The following ZNF134 variants were observed in gnomAD, a reference collection of about 807,000 sequenced individuals.
ZNF134 encodes zinc finger protein 134 (clone pHZ-15).
In ZNF134, 5 loss-of-function variants were observed where a neutral mutation model predicts 2.5. The ratio of observed to expected loss-of-function variants is 2.03; its 90% CI spans 1.06 to 4.27. The LOEUF (loss-of-function observed/expected upper bound fraction) is 4.27. Ranked by LOEUF, ZNF134 falls within the 30% of genes most tolerant of loss-of-function variation. The pLI is 0.00. For synonymous variants in ZNF134, 176 were observed against 176.2 expected (o/e 1.00, Z 0.01); for missense variants, 540 against 517.5 (o/e 1.04, Z -0.42).
rs1039202408 is a variant in ZNF134, at chr19:57,619,406, T to C, written c.-57-6T>C. The C allele has an allele frequency of 1.9e-6, 3 of 1,563,376 alleles. No homozygotes were observed. The African/African-American group carries it at 4.1e-5, about 21-fold the overall frequency. ...TCACCTTTCCCCTATGCTTTGTATC[T>C]TCCAGATCCTCTGTGGTTGTTGAAT... On this transcript the variant is annotated splice_polypyrimidine_tract_variant and splice_region_variant and intron_variant, in intron 1 of 2. Transcript: ENST00000396161.
At position 57,620,882 on chromosome 19, in the gene ZNF134, A is replaced by G. The variant is rs1421309134; in HGVS notation, c.763A>G (p.Thr255Ala). 1 of 1,614,174 alleles carries G rather than the reference A, an allele frequency of 6.2e-7. No homozygotes were observed. The highest frequency in any genetic ancestry group is 8.5e-7 in the Non-Finnish European group (1 of 1,180,026). The change falls in exon 3 of 3, where the codon ACT (threonine) becomes GCT (alanine). Residue 255 changes from threonine (T) to alanine (A), a missense_variant. Transcript: ENST00000396161. Reference protein sequence around the residue: ...DNLTQHKRIHTGEMPYKCNEC... With the variant: ...DNLTQHKRIHAGEMPYKCNEC... ...CCTTACTCAGCACAAGAGAATCCAC[A>G]CTGGAGAAATGCCTTATAAGTGCAA... is the stretch of plus-strand genomic sequence containing the variant.
chr19:57,619,220 C>G (rs772529727), intron 1 of ZNF134, among the ~76,000 whole-genome samples, 192 bp from the exon 2 acceptor site: 11 of 152,190 alleles, frequency 7.2e-5, no homozygotes, highest in Non-Finnish European at 1.5e-4. Flanking sequence ...ATTGTAATTT[C>G]CTTGAGTCTG....
rs1981303965 is a variant in ZNF134, at chr19:57,623,913, T to G, written c.*2510T>G. ...TTTTATACCAGTGGAAATGCTCACC[T>G]TGGGTCTAAAGGGACCTTGAAAGTA... On this transcript the variant is annotated 3_prime_UTR_variant, in exon 3 of 3. Transcript: ENST00000396161. The G allele has an allele frequency of 6.6e-6, 1 of 150,930 alleles. No individual in the cohort carries two copies. The highest frequency in any genetic ancestry group is 1.9e-4 in the East Asian group (1 of 5,134). 9.3% of individuals were successfully genotyped at this position (150,930 alleles called of 1,614,324 possible).
chr19:57,621,270 C>T lies in ZNF134; in HGVS notation c.1151C>T (p.Thr384Ile), dbSNP rs776945568. 3.2e-5 allele frequency: 52 copies of T among 1,613,496 alleles called. No individual in the cohort carries two copies. In the Admixed American group the frequency reaches 8.7e-4, roughly 27 times the overall value. Reference protein sequence around the residue: ...CSKCGKDFIRTSHLVRHQRVH... With the variant: ...CSKCGKDFIRISHLVRHQRVH... ...AAATGTGGGAAAGACTTTATCAGAA[C>T]CTCCCACCTTGTTCGACACCAAAGA... is the stretch of plus-strand genomic sequence containing the variant. The change falls in exon 3 of 3, where the codon ACC (threonine) becomes ATC (isoleucine). Residue 384 changes from threonine (T) to isoleucine (I), a missense_variant. Physicochemically the swap from Thr to Ile is moderately conservative, Grantham distance 89 (BLOSUM62 -1). Transcript: ENST00000396161.
intron 2 of ZNF134, chr19:57,619,760 TAC>T (rs760393656): frequency 3.2e-5 from 18 of 568,436 alleles, no homozygotes; most frequent in Middle Eastern, 4.5e-4. Flanking sequence ...GTACTACACT[TAC>T]ACTATTGTGT....
At position 57,621,142 on chromosome 19, in the gene ZNF134, A is replaced by G. The variant is rs1486163031; in HGVS notation, c.1023A>G (p.Ser341=). The stretch of plus-strand genomic sequence containing the variant: ...AACATCAGCGAATTCACACTGAGTC[A>G]AAGCCGTTTGAGTGCATTGAATGCG... ...LIKHQRIHTE[S]KPFECIECGK... is the part of the protein sequence containing the mutation. The change falls in exon 3 of 3, where the codon TCA becomes TCG. Residue 341 remains serine (S), a synonymous_variant. Transcript: ENST00000396161. The G allele has an allele frequency of 1.2e-6, 2 of 1,614,140 alleles. No homozygotes were observed. Among genetic ancestry groups the G allele is most frequent in the Non-Finnish European group, 1.7e-6 (2 of 1,180,052 alleles).
At chr19:57,619,350 G>A in intron 1 of ZNF134, 62 bp from the exon 2 acceptor site, 1 of 1,285,988 alleles carries the variant, frequency 7.8e-7, no homozygotes, top group Non-Finnish European at 1.1e-6. Flanking sequence ...TTGCATGGGT[G>A]GGCTACTCTG....
intron 1 of ZNF134, among the ~76,000 whole-genome samples, chr19:57,617,657 A>G (rs571155259): frequency 7.2e-5 from 11 of 152,298 alleles, no homozygotes; most frequent in Non-Finnish European, 4.4e-5. Context: ...GGTTGGAGCT[A>G]TCCACAGGGT....
intron 1 of ZNF134, chr19:57,618,921 TC>T (rs1303245393): frequency 1.3e-5 from 2 of 156,154 alleles, no homozygotes; most frequent in Non-Finnish European, 2.8e-5. Flanking sequence ...GTCCTACTCT[TC>T]CTTTTTGCCC....
rs1306108859 is a variant in ZNF134 at position 57,622,504 on chromosome 19, G to A, written c.*1101G>A. ...GGCACTAAGGCTGAATGGGATCAGG[G>A]TATCCAGAAATCTCAGGATCTCCAG... On this transcript the variant is annotated 3_prime_UTR_variant, in exon 3 of 3. Coordinates refer to ENST00000396161, the MANE Select transcript of ZNF134 (RefSeq NM_003435.5). 6.6e-6 allele frequency: 1 copy of A among 152,182 alleles called. No individual in the cohort carries two copies. Among genetic ancestry groups the A allele is most frequent in the African/African-American group, 2.4e-5 (1 of 41,418 alleles). 9.4% of individuals were successfully genotyped at this position (152,182 alleles called of 1,614,324 possible). A position where few individuals can be genotyped will look rare whatever the true frequency, so the allele number is the denominator to read the frequency against.
chr19:57,619,415 C>G lies in ZNF134; in HGVS notation c.-54C>G. On this transcript the variant is annotated 5_prime_UTR_variant, in exon 2 of 3. Coordinates refer to ENST00000396161, the MANE Select transcript of ZNF134 (RefSeq NM_003435.5). Reference sequence around the variant, plus strand: ...CCCTATGCTTTGTATCTTCCAGATCCTCTGTGGTTGTTGAATTGTAACAAG... The same window carrying G: ...CCCTATGCTTTGTATCTTCCAGATCGTCTGTGGTTGTTGAATTGTAACAAG... 6.4e-7 allele frequency: 1 copy of G among 1,572,100 alleles called. No individual in the cohort carries two copies. The highest frequency in any genetic ancestry group is 8.6e-7 in the Non-Finnish European group (1 of 1,157,132).
Position 57,620,095 on chromosome 19 carries a change from T to C in ZNF134, c.41-65T>C. The C allele has an allele frequency of 9.7e-6, 15 of 1,553,444 alleles. 1 individual carries two copies. In the South Asian group the frequency reaches 1.8e-4, roughly 19 times the overall value. ...AGTCCTGGGTACAGCAGACACATATTTGTGATGTAGTTGCCCCACCCACCA... is the reference window on the plus strand; with the variant it reads ...AGTCCTGGGTACAGCAGACACATATCTGTGATGTAGTTGCCCCACCCACCA... On this transcript the variant is annotated intron_variant, in intron 2 of 2. Transcript: ENST00000396161.
Position 57,621,640 on chromosome 19 carries a change from T to C in ZNF134, c.*237T>C. The C allele has an allele frequency of 1.4e-6, 1 of 718,256 alleles. No individual in the cohort carries two copies. Among genetic ancestry groups the C allele is most frequent in the Middle Eastern group, 2.4e-4 (1 of 4,150 alleles). 44.5% of individuals were successfully genotyped at this position (718,256 alleles called of 1,614,324 possible). ...CAGCATTGGGGAAGGCAGGGTTTTG[T>C]ATTGTCCAGTCCCTGGAGAAAATCA... On this transcript the variant is annotated 3_prime_UTR_variant, in exon 3 of 3. Transcript: ENST00000396161.
Position 57,620,084 on chromosome 19 carries a change from C to A in ZNF134, c.41-76C>A, listed in dbSNP as rs1432230312. On this transcript the variant is annotated intron_variant, in intron 2 of 2. Transcript: ENST00000396161. ...CTTAGGTACTCAGTCCTGGGTACAG[C>A]AGACACATATTTGTGATGTAGTTGC... is the stretch of plus-strand genomic sequence containing the variant. 8 of 1,532,830 alleles carry A rather than the reference C, an allele frequency of 5.2e-6. No individual in the cohort carries two copies. The South Asian group carries it at 8.7e-5, about 17-fold the overall frequency. 95.0% of individuals were successfully genotyped at this position (1,532,830 alleles called of 1,614,324 possible). A position where few individuals can be genotyped will look rare whatever the true frequency, so the allele number is the denominator to read the frequency against.
Position 57,621,505 on chromosome 19 carries a change from C to T in ZNF134, c.*102C>T. ...CCTTATGGTGCCAGGTACGTGGGAACCTTCTAGGGATATGTTGCACTTTCT... is the reference window on the plus strand; with the variant it reads ...CCTTATGGTGCCAGGTACGTGGGAATCTTCTAGGGATATGTTGCACTTTCT... On this transcript the variant is annotated 3_prime_UTR_variant, in exon 3 of 3. Transcript: ENST00000396161. The T allele has an allele frequency of 6.4e-7, 1 of 1,554,798 alleles. No homozygotes were observed. Among genetic ancestry groups the T allele is most frequent in the Non-Finnish European group, 8.8e-7 (1 of 1,139,186 alleles).
intron 2 of ZNF134, 141 bp from the exon 3 acceptor site, chr19:57,620,019 C>A (rs866440278): frequency 1.3e-4 from 124 of 930,602 alleles, no homozygotes; most frequent in Middle Eastern, 9.8e-4. Context: ...GTACAGCAGC[C>A]CTTTTTTCAA....
chr19:57,614,249 A>G lies in ZNF134; in HGVS notation c.-312A>G, dbSNP rs1464100691. ...ACTTCCGGTATCTTCCTCGCGGTGG[A>G]CATCTTGTCGGCTCTTAGGTGGAAC... On this transcript the variant is annotated 5_prime_UTR_variant, in exon 1 of 3. Transcript: ENST00000396161. 2.4e-6 allele frequency: 1 copy of G among 419,952 alleles called. No homozygotes were observed. Among genetic ancestry groups the G allele is most frequent in the Non-Finnish European group, 4.9e-6 (1 of 206,094 alleles). The allele number at this position is 419,952 out of a possible 1,614,324, so 26.0% of individuals were successfully genotyped here. A position where few individuals can be genotyped will look rare whatever the true frequency, so the allele number is the denominator to read the frequency against.
chr19:57,614,867 T>C (rs532254034), intron 1 of ZNF134, among the ~76,000 whole-genome samples: 94 of 151,812 alleles, frequency 6.2e-4, no homozygotes, highest in African/African-American at 2.2e-3. Context: ...TACAGTGAGG[T>C]AGAAACGATG....
At chr19:57,615,135 A>G (rs1238847961) in intron 1 of ZNF134, among the ~76,000 whole-genome samples, 1 of 152,096 alleles carries the variant, frequency 6.6e-6, no homozygotes, top group African/African-American at 2.4e-5. Context: ...GGAAATTGGT[A>G]AGTCACAGCA....
Sources: allele counts gnomAD v4.1 joint callset (sites outside exome capture counted in the v4.1 genomes callset), GRCh38; gene constraint gnomAD v4.1.1; transcripts MANE v1.5; gene names NCBI Gene and HGNC (gene_info 2026-07-23, HGNC 2026-07-21).